KALRN: variants seen among roughly 807,000 people sequenced by gnomAD.
The protein encoded by KALRN is kalirin.
A neutral mutation model predicts 353.7 loss-of-function variants in KALRN; 70 were observed. The ratio of observed to expected loss-of-function variants is 0.20; its 90% CI spans 0.16 to 0.24. The LOEUF (loss-of-function observed/expected upper bound fraction) is 0.24. KALRN is among the 10% of genes least tolerant of loss of function. The probability of loss-of-function intolerance (pLI) is 1.00; values close to 1 mark genes in which losing one functional copy is unlikely to be tolerated. For synonymous variants in KALRN, 1,391 were observed against 1,434.8 expected (o/e 0.97, Z 0.69); for missense variants, 2,791 against 3,756.7 (o/e 0.74, Z 6.72).
At position 124,491,337 on chromosome 3, in the gene KALRN, T is replaced by A. The variant is rs1468871171; in HGVS notation, c.4602T>A (p.Gly1534=). 1.2e-6 allele frequency: 2 copies of A among 1,606,266 alleles called. No individual in the cohort carries two copies. Among genetic ancestry groups the A allele is most frequent in the Non-Finnish European group, 1.7e-6 (2 of 1,176,002 alleles). The change falls in exon 31 of 60, where the codon GGT becomes GGA. Residue 1534 remains glycine (G), a synonymous_variant. Transcript: ENST00000682506. ...YKNKLLTSEL[G]VTEHVEGDPC... is the part of the protein sequence containing the mutation. The stretch of plus-strand genomic sequence containing the variant: ...CCTGTCTACAGACCTCAGAGCTGGG[T>A]GTGACCGAGCACGTGGAGGGCGATC...
At chr3:124,694,548 A>G in intron 53 of KALRN, 45 bp downstream of exon 53, 1 of 1,580,036 alleles carries the variant, frequency 6.3e-7, no homozygotes, top group Non-Finnish European at 8.6e-7. Flanking sequence ...CCCTTGCTTG[A>G]CACAGCACTG....
At chr3:124,399,650 A>C (rs933578906) in intron 13 of KALRN, among the ~76,000 whole-genome samples, 2 of 152,236 alleles carry the variant, frequency 1.3e-5, no homozygotes, top group Non-Finnish European at 2.9e-5. Context: ...CAAGCGCCAC[A>C]GGAAGGGGAA....
At chr3:124,633,637 GT>G (rs773383658) in intron 35 of KALRN, among the ~76,000 whole-genome samples, 24,608 of 63,416 alleles carry the variant, frequency 0.39, 2,520 homozygotes, top group East Asian at 0.55. Context: ...CTTTTTGGGG[GT>G]GTGTGTGTGT....
intron 21 of KALRN, 49 bp downstream of exon 21, chr3:124,446,934 T>C: frequency 1.3e-6 from 2 of 1,592,322 alleles, no homozygotes; most frequent in South Asian, 1.1e-5. Flanking sequence ...AACTCTCCAT[T>C]CTGGCCAATT....
intron 9 of KALRN, among the ~76,000 whole-genome samples, chr3:124,336,345 A>G (rs374449396): frequency 6.6e-6 from 1 of 152,104 alleles, no homozygotes; most frequent in East Asian, 1.9e-4. Context: ...ACTCCTGAGC[A>G]CAGGAGAGCA....
At chr3:124,487,131 A>G (rs1361734631) in intron 28 of KALRN, among the ~76,000 whole-genome samples, 1 of 152,206 alleles carries the variant, frequency 6.6e-6, no homozygotes, top group Non-Finnish European at 1.5e-5. Flanking sequence ...TGGTTTGCAG[A>G]TCTGTTGCTT....
chr3:124,479,884 T>C (rs772241641), intron 27 of KALRN, among the ~76,000 whole-genome samples: 10 of 151,956 alleles, frequency 6.6e-5, no homozygotes, highest in Non-Finnish European at 1.2e-4. Context: ...CCACCACGCC[T>C]GGCTAATTTT....
intron 51 of KALRN, among the ~76,000 whole-genome samples, chr3:124,685,611 G>T (rs1156307781): frequency 6.6e-6 from 1 of 152,184 alleles, no homozygotes; most frequent in Non-Finnish European, 1.5e-5. Flanking sequence ...TTTAGGAGGA[G>T]AATTTCTTCA....
chr3:124,538,260 T>TTGTGTG lies in KALRN; in HGVS notation c.4936-24571_4936-24566dup, dbSNP rs113800335. ...AAAGAGTGTTTGTGTGTGTGTGTGT[T>TTGTGTG]TGTGTGTGTGTGTGTGTATGTATGT... is the stretch of plus-strand genomic sequence containing the variant. On this transcript the variant is annotated intron_variant, in intron 33 of 59. Transcript: ENST00000682506. Among the ~76,000 whole-genome samples, 592 of 150,078 alleles carry TTGTGTG rather than the reference T, an allele frequency of 3.9e-3. 5 individuals carry two copies. Among genetic ancestry groups the TTGTGTG allele is most frequent in the Middle Eastern group, 0.021 (6 of 286 alleles).
intron 1 of KALRN, among the ~76,000 whole-genome samples, chr3:124,130,767 T>G (rs542065678): frequency 1.3e-5 from 2 of 152,200 alleles, no homozygotes; most frequent in Admixed American, 1.3e-4. Context: ...ATAAATACAT[T>G]GTATATCAAC....
intron 13 of KALRN, among the ~76,000 whole-genome samples, chr3:124,409,778 G>GA (rs3834188): frequency 0.012 from 1,898 of 152,086 alleles, 32 homozygotes; most frequent in East Asian, 0.077. Flanking sequence ...AGAACCTAAT[G>GA]AAAAAAACAT....
Position 124,693,657 on chromosome 3 carries a change from G to A in KALRN, c.7378-147G>A, listed in dbSNP as rs1578986864. The A allele has an allele frequency of 1.5e-5, 8 of 521,596 alleles. No homozygotes were observed. In the East Asian group the frequency reaches 2.2e-4, roughly 14 times the overall value. 32.3% of individuals were successfully genotyped at this position (521,596 alleles called of 1,614,324 possible). ...AAAGAGAGGTTTTACTAATGTGACA[G>A]TAATACAGTCACAACACAGTGGGAA... On this transcript the variant is annotated intron_variant, in intron 51 of 59. Transcript: ENST00000682506.
intron 3 of KALRN, among the ~76,000 whole-genome samples, chr3:124,251,453 T>TAAG (rs1457402889): frequency 4.1e-5 from 6 of 147,342 alleles, no homozygotes; most frequent in African/African-American, 1.5e-4. Flanking sequence ...TACTGCCACC[T>TAAG]CCACCTTCTG....
chr3:124,294,484 C>T (rs1368041563), intron 5 of KALRN, among the ~76,000 whole-genome samples: 2 of 145,430 alleles, frequency 1.4e-5, no homozygotes, highest in East Asian at 4.2e-4. Context: ...TAAAGCATCA[C>T]ACAATTGTCA....
At chr3:124,201,836 T>C (rs765844625) in intron 1 of KALRN, among the ~76,000 whole-genome samples, 15 of 152,240 alleles carry the variant, frequency 9.9e-5, no homozygotes, top group Non-Finnish European at 2.1e-4. Flanking sequence ...GGTTCCTGTC[T>C]TGGGGGAGAA....
At chr3:124,049,162 A>G (rs758454562) in intron 1 of KALRN, among the ~76,000 whole-genome samples, 1 of 152,238 alleles carries the variant, frequency 6.6e-6, no homozygotes, top group Non-Finnish European at 1.5e-5. Context: ...CCAGATTTGC[A>G]GTCTCAATTA....
At chr3:124,261,836 A>G (rs779265864) in intron 3 of KALRN, among the ~76,000 whole-genome samples, 14 of 152,236 alleles carry the variant, frequency 9.2e-5, no homozygotes, top group South Asian at 8.3e-4. Context: ...ATAGTTGGGC[A>G]TGCAACAAAT....
intron 33 of KALRN, among the ~76,000 whole-genome samples, chr3:124,515,101 T>C (rs563770663): frequency 1.3e-5 from 2 of 152,330 alleles, no homozygotes; most frequent in African/African-American, 4.8e-5. Flanking sequence ...AAATTCTTAG[T>C]GGAACGAGAA....
chr3:124,187,746 A>G (rs1294950329), intron 1 of KALRN, among the ~76,000 whole-genome samples: 22 of 152,214 alleles, frequency 1.4e-4, no homozygotes, highest in Admixed American at 1.4e-3. Flanking sequence ...AATTAAGTCT[A>G]CAATGTGGGG....
Sources: allele counts gnomAD v4.1 joint callset (sites outside exome capture counted in the v4.1 genomes callset), GRCh38; gene constraint gnomAD v4.1.1; transcripts MANE v1.5; gene names NCBI Gene and HGNC (gene_info 2026-07-23, HGNC 2026-07-21).